The following KANSL1 variants were observed in gnomAD, a reference collection of about 807,000 sequenced individuals.
KANSL1 encodes MLL1/MLL complex subunit KANSL1.
A neutral mutation model predicts 103.6 loss-of-function variants in KANSL1; 22 were observed. The ratio of observed to expected loss-of-function variants is 0.21; its 90% CI spans 0.15 to 0.30. KANSL1 has a LOEUF of 0.30. Among genes scored for constraint, KANSL1 ranks in the 10% least tolerant of loss-of-function variants. The probability of loss-of-function intolerance (pLI) is 1.00; values close to 1 mark genes in which losing one functional copy is unlikely to be tolerated. For missense variants in KANSL1, 1,337 were observed against 1,399.8 expected, an observed-to-expected ratio of 0.96 and a Z score of 0.72; for synonymous variants, 600 against 527.6, an observed-to-expected ratio of 1.14 and a Z score of -1.88.
At position 46,031,056 on chromosome 17, in the gene KANSL1, TAA is replaced by T. The variant is rs1483909414; in HGVS notation, c.*418_*419del. ...AAGCCACAGATGGGAGGGGAGGGGG[TAA>T]GAGTCCAGAGCACCCTGCCCCATTC... is the stretch of plus-strand genomic sequence containing the variant. On this transcript the variant is annotated 3_prime_UTR_variant, in exon 15 of 15. Transcript: ENST00000432791. 1 of 166,348 alleles carries T rather than the reference TAA, an allele frequency of 6.0e-6. No individual in the cohort carries two copies. The highest frequency in any genetic ancestry group is 1.3e-5 in the Non-Finnish European group (1 of 77,652). 10.3% of individuals were successfully genotyped at this position (166,348 alleles called of 1,614,324 possible).
At chr17:46,179,931 G>T (rs1019216819) in intron 1 of KANSL1, among the ~76,000 whole-genome samples, 1 of 151,994 alleles carries the variant, frequency 6.6e-6, no homozygotes, top group Admixed American at 6.6e-5. Flanking sequence ...GGGTGTGGAG[G>T]CGCGCACCTG....
chr17:46,147,744 T>C (rs1413193122), intron 2 of KANSL1, among the ~76,000 whole-genome samples: 1 of 152,180 alleles, frequency 6.6e-6, no homozygotes, highest in Non-Finnish European at 1.5e-5. Context: ...GAAGAAGTTG[T>C]AAGTAAAATT....
At chr17:46,141,420 T>A (rs1463675869) in intron 2 of KANSL1, among the ~76,000 whole-genome samples, 1 of 152,210 alleles carries the variant, frequency 6.6e-6, no homozygotes, top group Non-Finnish European at 1.5e-5. Context: ...TGTCTACACA[T>A]CTAAATCAAC....
intron 2 of KANSL1, among the ~76,000 whole-genome samples, chr17:46,153,605 A>T (rs1444722775): frequency 1.6e-4 from 25 of 152,244 alleles, no homozygotes; most frequent in Admixed American, 1.6e-3. Context: ...GACTACATGG[A>T]AGGGCTGGCT....
At chr17:46,192,770 A>C (rs559485950) in intron 1 of KANSL1, 53 bp downstream of exon 1, 228 of 158,084 alleles carry the variant, frequency 1.4e-3, no homozygotes, top group African/African-American at 4.6e-3. Context: ...GAGAGCGAGG[A>C]GAAGGAGAAA....
At chr17:46,187,577 T>C (rs2696708) in intron 1 of KANSL1, among the ~76,000 whole-genome samples, 21,950 of 152,094 alleles carry the variant, frequency 0.14, 2,134 homozygotes, top group Non-Finnish European at 0.22. Context: ...AAAAAAAGGG[T>C]AAGTTCACAG....
intron 2 of KANSL1, among the ~76,000 whole-genome samples, chr17:46,122,368 A>C (rs190180477): frequency 6.6e-6 from 1 of 152,384 alleles, no homozygotes; most frequent in East Asian, 1.9e-4. Flanking sequence ...TGGGTAGGAC[A>C]CAAGCATATT....
At chr17:46,057,248 AAT>A (rs1395827083) in intron 6 of KANSL1, among the ~76,000 whole-genome samples, 2 of 152,170 alleles carry the variant, frequency 1.3e-5, no homozygotes, top group Non-Finnish European at 2.9e-5. Flanking sequence ...AAATACCTCA[AAT>A]ATGTTTCAAT....
chr17:46,035,201 G>C (rs989594478), intron 10 of KANSL1: 1 of 152,348 alleles, frequency 6.6e-6, no homozygotes, highest in Non-Finnish European at 1.5e-5. Flanking sequence ...AGGCCAGAAG[G>C]AAACAGTGGC....
At chr17:46,107,971 C>A (rs904043342) in intron 2 of KANSL1, among the ~76,000 whole-genome samples, 188 of 152,288 alleles carry the variant, frequency 1.2e-3, no homozygotes, top group Non-Finnish European at 1.1e-3. Context: ...CTTCTTGCCA[C>A]TTCATTGTTA....
In KANSL1 at chr17:46,040,073, T is replaced by C. The variant is rs2077267378; in HGVS notation, c.2021-189A>G. On this transcript the variant is annotated intron_variant, in intron 7 of 14. Transcript: ENST00000432791. ...TCTTCTATTTGCAAGCAGGTCACTT[T>C]AGCTTTTTACTTTCAAGTCCCAAAG... 6.1e-6 allele frequency: 3 copies of C among 489,294 alleles called. No individual in the cohort carries two copies. In the South Asian group the frequency reaches 1.2e-4, roughly 20 times the overall value. The allele number at this position is 489,294 out of a possible 1,614,324, so 30.3% of individuals were successfully genotyped here.
intron 7 of KANSL1, among the ~76,000 whole-genome samples, chr17:46,047,627 C>T (rs147512575): frequency 1.2e-3 from 180 of 151,558 alleles, no homozygotes; most frequent in African/African-American, 4.2e-3. Context: ...TTGTAGGGGG[C>T]GGGAGGCGGG....
chr17:46,105,929 ACACACACACACACACACAC>A (rs2042531239), intron 2 of KANSL1, among the ~76,000 whole-genome samples: 1 of 106,152 alleles, frequency 9.4e-6, no homozygotes, highest in Non-Finnish European at 2.0e-5. Flanking sequence ...ACACACACAC[ACACACACACACACACACAC>A]CCCCCCAGAA....
At chr17:46,141,670 T>C (rs1297853657) in intron 2 of KANSL1, among the ~76,000 whole-genome samples, 2 of 152,274 alleles carry the variant, frequency 1.3e-5, no homozygotes, top group African/African-American at 2.4e-5. Flanking sequence ...ATACCCTAAA[T>C]GAATCTAGTA....
chr17:46,129,183 C>T (rs2043723427), intron 2 of KANSL1, among the ~76,000 whole-genome samples: 1 of 152,054 alleles, frequency 6.6e-6, no homozygotes, highest in African/African-American at 2.4e-5. Context: ...GGTCCTTGAA[C>T]AAAGGAACAG....
At chr17:46,090,689 T>A (rs771194334) in intron 3 of KANSL1, among the ~76,000 whole-genome samples, 1 of 152,238 alleles carries the variant, frequency 6.6e-6, no homozygotes, top group Non-Finnish European at 1.5e-5. Context: ...ATAAGCAACA[T>A]ACATTCATGT....
chr17:46,179,066 T>C (rs1301904777), intron 1 of KANSL1, among the ~76,000 whole-genome samples: 2 of 152,206 alleles, frequency 1.3e-5, no homozygotes, highest in African/African-American at 4.8e-5. Flanking sequence ...ATCCTGGCAG[T>C]AGCATGTTTA....
At chr17:46,105,951 C>CA (rs2042546045) in intron 2 of KANSL1, among the ~76,000 whole-genome samples, 1 of 92,274 alleles carries the variant, frequency 1.1e-5, no homozygotes, top group African/African-American at 4.0e-5. Flanking sequence ...ACACACACCC[C>CA]CCCAGAAGGG....
At chr17:46,112,509 AC>A (rs2042862717) in intron 2 of KANSL1, among the ~76,000 whole-genome samples, 1 of 151,084 alleles carries the variant, frequency 6.6e-6, no homozygotes, top group Admixed American at 6.6e-5. Flanking sequence ...ACATGGTGAA[AC>A]CCCATCTCTA....
Sources: gnomAD v4.1 joint callset for allele counts (sites outside exome capture counted in the v4.1 genomes callset) on GRCh38, gnomAD v4.1.1 for gene constraint, MANE v1.5 for transcripts, NCBI Gene and HGNC (gene_info 2026-07-23, HGNC 2026-07-21) for gene names.